The following HJURP variants were observed in gnomAD, a reference collection of about 807,000 sequenced individuals.
HJURP encodes Holliday junction recognition protein, also known as 14-3-3-associated AKT substrate.
HJURP carries 49 observed loss-of-function variants against 72.0 expected under a neutral mutation model. That is an observed-to-expected ratio of 0.68 (90% CI 0.54 to 0.86). The LOEUF (loss-of-function observed/expected upper bound fraction) is 0.86, where lower values mean the gene tolerates loss of function less well. Among genes scored for constraint, HJURP ranks in the 40% least tolerant of loss-of-function variants. The probability of loss-of-function intolerance (pLI) is 0.00; values close to 1 mark genes in which losing one functional copy is unlikely to be tolerated. For synonymous variants in HJURP, 357 were observed against 347.1 expected, an observed-to-expected ratio of 1.03 and a Z score of -0.32; for missense variants, 908 against 936.3, an observed-to-expected ratio of 0.97 and a Z score of 0.39.
chr2:233,837,058 C>A lies in HJURP; in HGVS notation c.*519G>T, dbSNP rs1705081691. The A allele has an allele frequency of 6.4e-6, 1 of 155,492 alleles. No individual in the cohort carries two copies. The highest frequency in any genetic ancestry group is 2.4e-5 in the African/African-American group (1 of 41,466). The allele number at this position is 155,492 out of a possible 1,614,324, so 9.6% of individuals were successfully genotyped here. On this transcript the variant is annotated 3_prime_UTR_variant, in exon 9 of 9. Coordinates refer to ENST00000411486, the MANE Select transcript of HJURP (RefSeq NM_018410.5). ...ATCCCAGCACTTTGGGAGGCCGAGGCAGATGGATCACGAGGCCAGGAGCTC... is the reference window on the plus strand; with the variant it reads ...ATCCCAGCACTTTGGGAGGCCGAGGAAGATGGATCACGAGGCCAGGAGCTC...
Position 233,852,051 on chromosome 2 carries a change from C to T in HJURP, c.240+514G>A, listed in dbSNP as rs77132286. 7.0e-4 allele frequency among the ~76,000 whole-genome samples: 106 copies of T among 152,342 alleles called. 1 individual carries two copies. In the East Asian group the frequency reaches 0.018, roughly 26 times the overall value. ...ACGGGTCTCAGAGCGACAACACCCT[C>T]GGATCAACTAGGCAGGGAAGCCAGG... On this transcript the variant is annotated intron_variant, in intron 3 of 8. Coordinates refer to ENST00000411486, the MANE Select transcript of HJURP (RefSeq NM_018410.5).
rs894225222 is a variant in HJURP at position 233,837,267 on chromosome 2, T to C, written c.*310A>G. ...TGCCACCGCACTCCAGCCTGGGCGA[T>C]AGAGAGAGACTGTCTCAAAAACAAA... On this transcript the variant is annotated 3_prime_UTR_variant, in exon 9 of 9. Transcript: ENST00000411486. The C allele has an allele frequency of 3.4e-5, 11 of 326,772 alleles. No individual in the cohort carries two copies. Among genetic ancestry groups the C allele is most frequent in the African/African-American group, 1.8e-4 (8 of 44,088 alleles). 20.2% of individuals were successfully genotyped at this position (326,772 alleles called of 1,614,324 possible).
chr2:233,848,095 A>AGCTTC (rs1705412044), intron 4 of HJURP, among the ~76,000 whole-genome samples: 6 of 152,160 alleles, frequency 3.9e-5, no homozygotes, highest in Non-Finnish European at 7.4e-5. Context: ...ACTCTGAAAG[A>AGCTTC]CCACCAGCTT....
chr2:233,844,217 CG>C lies in HJURP; in HGVS notation c.561del (p.Val188CysfsTer40), dbSNP rs1705301110. ...ATGTCACACTCACCGGGGGCAGGCA[CG>C]GCAGGTGAGGCCAGTGAAGGCAGCG... ...VTPLPSLASPAVPAPGYCSRI... is the reference protein window; with the variant it reads ...VTPLPSLASPXVPAPGYCSRI... On this transcript the variant is annotated frameshift_variant, in exon 7 of 9. Transcript: ENST00000411486. LOFTEE classifies it high-confidence loss of function. The C allele has an allele frequency of 6.2e-7, 1 of 1,613,900 alleles. No homozygotes were observed. The highest frequency in any genetic ancestry group is 8.5e-7 in the Non-Finnish European group (1 of 1,179,866).
intron 1 of HJURP, 94 bp from the exon 2 acceptor site, chr2:233,854,004 G>T: frequency 8.7e-7 from 1 of 1,149,116 alleles, no homozygotes; most frequent in Non-Finnish European, 1.3e-6. Flanking sequence ...GAGGCCGTTA[G>T]TCTGGCCTGG....
intron 1 of HJURP, 147 bp from the exon 2 acceptor site, chr2:233,854,057 C>A: frequency 1.5e-6 from 1 of 663,584 alleles, no homozygotes; most frequent in Non-Finnish European, 2.6e-6. Context: ...CCCAACTCCG[C>A]CTCTCTCGTC....
rs1263222738 is a variant in HJURP at position 233,841,931 on chromosome 2, G to C, written c.849C>G (p.Ile283Met). The C allele has an allele frequency of 1.2e-6, 2 of 1,614,232 alleles. No individual in the cohort carries two copies. Among genetic ancestry groups the C allele is most frequent in the Non-Finnish European group, 1.7e-6 (2 of 1,180,044 alleles). The change falls in exon 8 of 9, where the codon ATC becomes ATG. Residue 283 changes from isoleucine (I) to methionine (M), a missense_variant. Transcript: ENST00000411486. ...RLLSTKPSSI[I>M]STKTFIMQNW... The stretch of plus-strand genomic sequence containing the variant: ...TTTGCATGATGAACGTTTTGGTGGA[G>C]ATGATGCTTGATGGCTTTGTGCTCA...
Position 233,849,875 on chromosome 2 carries a change from C to A in HJURP, c.241-16G>T, listed in dbSNP as rs774672459. 1.9e-5 allele frequency: 28 copies of A among 1,472,864 alleles called. No homozygotes were observed. Among genetic ancestry groups the A allele is most frequent in the Non-Finnish European group, 2.5e-5 (27 of 1,077,296 alleles). The allele number at this position is 1,472,864 out of a possible 1,614,324, so 91.2% of individuals were successfully genotyped here. On this transcript the variant is annotated splice_polypyrimidine_tract_variant and intron_variant, in intron 3 of 8. Coordinates refer to ENST00000411486, the MANE Select transcript of HJURP (RefSeq NM_018410.5). ...TGGAGGAGTCCTCCAAGTGCAGAAG[C>A]CAATAAAAACATGGTTGTTTGAGTG...
At chr2:233,848,704 A>G (rs998934617) in intron 4 of HJURP, among the ~76,000 whole-genome samples, 1 of 152,192 alleles carries the variant, frequency 6.6e-6, no homozygotes, top group African/African-American at 2.4e-5. Flanking sequence ...AAGTCTGGAC[A>G]TGAAGTATTG....
Position 233,842,292 on chromosome 2 carries a change from A to G in HJURP, c.575-87T>C, listed in dbSNP as rs1371029607. The G allele has an allele frequency of 5.9e-6, 7 of 1,196,032 alleles. No individual in the cohort carries two copies. The African/African-American group carries it at 9.2e-5, about 16-fold the overall frequency. The allele number at this position is 1,196,032 out of a possible 1,614,324, so 74.1% of individuals were successfully genotyped here. ...AGATGACAGAACTTAAGATTGGATC[A>G]GGACTATGTTTTTTTAAGCAATAGC... On this transcript the variant is annotated intron_variant, in intron 7 of 8. Transcript: ENST00000411486.
intron 2 of HJURP, 61 bp downstream of exon 2, chr2:233,853,783 A>C: frequency 7.3e-7 from 1 of 1,365,764 alleles, no homozygotes; most frequent in Non-Finnish European, 1.0e-6. Flanking sequence ...CAGGGACAGC[A>C]TTTCAACTAC....
intron 3 of HJURP, among the ~76,000 whole-genome samples, chr2:233,852,349 G>T (rs775252635): frequency 1.3e-5 from 2 of 152,196 alleles, no homozygotes; most frequent in Non-Finnish European, 2.9e-5. Context: ...ACAGGGTGAT[G>T]AAAAAGGCCA....
chr2:233,845,141 G>A (rs1392893644), intron 6 of HJURP, among the ~76,000 whole-genome samples: 1 of 151,866 alleles, frequency 6.6e-6, no homozygotes, highest in Non-Finnish European at 1.5e-5. Flanking sequence ...AGAGTCCCGT[G>A]TGTGGCCCCA....
At chr2:233,849,711 C>A (rs1017629910) in intron 4 of HJURP, 52 bp downstream of exon 4, 1 of 1,157,844 alleles carries the variant, frequency 8.6e-7, no homozygotes, top group South Asian at 1.3e-5. Flanking sequence ...GTAACAGGTG[C>A]GTCAGACCTG....
At chr2:233,847,523 A>C (rs992579769) in intron 4 of HJURP, 62 bp from the exon 5 acceptor site, 2 of 1,436,242 alleles carry the variant, frequency 1.4e-6, no homozygotes, top group African/African-American at 2.8e-5. Context: ...TTTCCTCTCA[A>C]GGATGGTTTT....
intron 8 of HJURP, among the ~76,000 whole-genome samples, chr2:233,839,480 G>T (rs1705163042): frequency 6.6e-6 from 1 of 152,248 alleles, no homozygotes; most frequent in Non-Finnish European, 1.5e-5. Context: ...AAGGGCATTG[G>T]GAAGACAGAG....
chr2:233,840,405 T>C (rs892387947), intron 8 of HJURP, among the ~76,000 whole-genome samples: 2 of 152,208 alleles, frequency 1.3e-5, no homozygotes, highest in African/African-American at 4.8e-5. Context: ...CCTCGATGCA[T>C]CTTACACAGG....
intron 3 of HJURP, among the ~76,000 whole-genome samples, chr2:233,852,050 T>G (rs1705508711): frequency 6.6e-6 from 1 of 152,160 alleles, no homozygotes; most frequent in Admixed American, 6.5e-5. Context: ...GACAACACCC[T>G]CGGATCAACT....
At chr2:233,838,637 C>G (rs1160404421) in intron 8 of HJURP, among the ~76,000 whole-genome samples, 1 of 152,242 alleles carries the variant, frequency 6.6e-6, no homozygotes, top group Middle Eastern at 3.4e-3. Context: ...AGCAGAGGAG[C>G]TCTGATGTGT....
Sources: allele counts gnomAD v4.1 joint callset (sites outside exome capture counted in the v4.1 genomes callset), GRCh38; gene constraint gnomAD v4.1.1; transcripts MANE v1.5; gene names NCBI Gene and HGNC (gene_info 2026-07-23, HGNC 2026-07-21).